Variants in METTL4 observed in about 807,000 individuals in gnomAD.
METTL4 encodes methyltransferase 4, N6-adenosine.
METTL4 carries 40 observed loss-of-function variants against 54.0 expected under a neutral mutation model. That is an observed-to-expected ratio of 0.74 (90% CI 0.58 to 0.96). The LOEUF (loss-of-function observed/expected upper bound fraction) is 0.96, where lower values mean the gene tolerates loss of function less well. Ranked by LOEUF, METTL4 falls within the 50% of genes least tolerant of loss-of-function variation. METTL4 has a pLI of 0.00. For synonymous variants in METTL4, 169 were observed against 183.8 expected (o/e 0.92, Z 0.65); for missense variants, 525 against 549.0 (o/e 0.96, Z 0.44).
chr18:2,537,767 G>A lies in METTL4; in HGVS notation c.*1233C>T. On this transcript the variant is annotated 3_prime_UTR_variant, in exon 9 of 9. Coordinates refer to ENST00000574538, the MANE Select transcript of METTL4 (RefSeq NM_022840.5). ...AATATTTGTCAACAATCTGTAAATA[G>A]TATAAATGCTTTTCTCAAAATGCTA... 2.5e-6 allele frequency: 1 copy of A among 397,680 alleles called. No individual in the cohort carries two copies. Among genetic ancestry groups the A allele is most frequent in the Admixed American group, 4.4e-5 (1 of 22,726 alleles). 24.6% of individuals were successfully genotyped at this position (397,680 alleles called of 1,614,324 possible). A position where few individuals can be genotyped will look rare whatever the true frequency, so the allele number is the denominator to read the frequency against.
At chr18:2,554,621 C>A in intron 4 of METTL4, 48 bp downstream of exon 4, 4 of 1,551,938 alleles carry the variant, frequency 2.6e-6, no homozygotes, top group Non-Finnish European at 3.5e-6. Context: ...ACTTTTCAGC[C>A]CACGGAAAAA....
At chr18:2,541,432 T>C (rs1201247356) in intron 8 of METTL4, among the ~76,000 whole-genome samples, 1 of 152,200 alleles carries the variant, frequency 6.6e-6, no homozygotes, top group Non-Finnish European at 1.5e-5. Context: ...CATCAGTGCA[T>C]ATAATCCCAT....
intron 6 of METTL4, among the ~76,000 whole-genome samples, chr18:2,546,750 T>A (rs1018693366): frequency 6.6e-6 from 1 of 152,192 alleles, no homozygotes; most frequent in Admixed American, 6.5e-5. Flanking sequence ...TTTTTGGTAA[T>A]CTTGTAGCAT....
At chr18:2,561,954 C>T (rs1032777648) in intron 3 of METTL4, 2 of 152,106 alleles carry the variant, frequency 1.3e-5, no homozygotes. Context: ...AGATAAACTG[C>T]TCACATTGAG....
intron 5 of METTL4, among the ~76,000 whole-genome samples, chr18:2,549,272 T>C (rs1186537479): frequency 6.6e-6 from 1 of 152,192 alleles, no homozygotes; most frequent in East Asian, 1.9e-4. Flanking sequence ...TAATACCAAT[T>C]ATCCCCTCCT....
chr18:2,552,718 G>A lies in METTL4; in HGVS notation c.876C>T (p.Asn292=). ...ACCTATTACTTCTTTTAACTGATTTGTTCTGCCATGGTGGATCTATCACAA... is the reference window on the plus strand; with the variant it reads ...ACCTATTACTTCTTTTAACTGATTTATTCTGCCATGGTGGATCTATCACAA... ...DVIVIDPPWQ[N]KSVKRSNRYS... The change falls in exon 5 of 9, where the codon AAC becomes AAT. Residue 292 remains asparagine (N), a synonymous_variant. Coordinates refer to ENST00000574538, the MANE Select transcript of METTL4 (RefSeq NM_022840.5). 1 of 1,610,888 alleles carries A rather than the reference G, an allele frequency of 6.2e-7. No homozygotes were observed.
chr18:2,544,322 A>C, intron 7 of METTL4, 36 bp from the exon 8 acceptor site: 1 of 1,502,628 alleles, frequency 6.7e-7, no homozygotes, highest in Non-Finnish European at 9.1e-7. Flanking sequence ...ACTATATTTT[A>C]AAAAACAATT....
At chr18:2,556,339 G>T (rs981432538) in intron 3 of METTL4, among the ~76,000 whole-genome samples, 1 of 151,934 alleles carries the variant, frequency 6.6e-6, no homozygotes, top group Non-Finnish European at 1.5e-5. Flanking sequence ...AGTCTGCTCT[G>T]ATCATAACTA....
intron 5 of METTL4, among the ~76,000 whole-genome samples, chr18:2,550,878 A>G (rs1271667750): frequency 1.3e-5 from 2 of 152,204 alleles, no homozygotes; most frequent in Middle Eastern, 3.2e-3. Flanking sequence ...TAAGGATATT[A>G]TATCAGCCGG....
In METTL4 at chr18:2,565,378, G is replaced by T. The variant is rs188029154; in HGVS notation, c.396+1443C>A. Among the ~76,000 whole-genome samples, 4 of 152,242 alleles carry T rather than the reference G, an allele frequency of 2.6e-5. No homozygotes were observed. In the East Asian group the frequency reaches 7.7e-4, roughly 29 times the overall value. ...GGTCAGAGGATGGGAGGAGGGAAAG[G>T]ATCAGGACAAATAACTAATGGGTAC... On this transcript the variant is annotated intron_variant, in intron 2 of 8. Coordinates refer to ENST00000574538, the MANE Select transcript of METTL4 (RefSeq NM_022840.5).
At chr18:2,568,323 A>G (rs189353352) in intron 1 of METTL4, 1 of 152,350 alleles carries the variant, frequency 6.6e-6, no homozygotes, top group Non-Finnish European at 1.5e-5. Context: ...CTATCTAAAG[A>G]TAGAAATAGT....
chr18:2,554,613 T>C, intron 4 of METTL4, 56 bp downstream of exon 4: 1 of 1,536,166 alleles, frequency 6.5e-7, no homozygotes, highest in South Asian at 1.2e-5. Flanking sequence ...AGCTCTTAAC[T>C]TTTCAGCCCA....
intron 2 of METTL4, among the ~76,000 whole-genome samples, chr18:2,565,516 AT>A (rs1227364084): frequency 1.3e-5 from 2 of 152,222 alleles, no homozygotes; most frequent in Non-Finnish European, 2.9e-5. Flanking sequence ...TAAAATTAAA[AT>A]TAAAAAAAAG....
chr18:2,544,745 T>C lies in METTL4; in HGVS notation c.1089A>G (p.Gly363=). 1 of 1,611,950 alleles carries C rather than the reference T, an allele frequency of 6.2e-7. No homozygotes were observed. The highest frequency in any genetic ancestry group is 8.5e-7 in the Non-Finnish European group (1 of 1,178,492). The change falls in exon 7 of 9, where the codon GGA becomes GGG. Residue 363 remains glycine (G), a synonymous_variant. Transcript: ENST00000574538. ...EWHWVKITNS[G]EFVFPLDSPH... ...GAGAATCTAATGGGAACACAAATTCTCCTGAATTGGTTATCTGATAGGAAG... is the reference window on the plus strand; with the variant it reads ...GAGAATCTAATGGGAACACAAATTCCCCTGAATTGGTTATCTGATAGGAAG...
chr18:2,566,636 T>G (rs2143596254), intron 2 of METTL4, 185 bp downstream of exon 2: 1 of 357,198 alleles, frequency 2.8e-6, no homozygotes, highest in Middle Eastern at 7.8e-4. Context: ...TACTATGCAA[T>G]TTGGTCTTCT....
intron 8 of METTL4, 68 bp from the exon 9 acceptor site, chr18:2,539,213 A>C (rs1196477066): frequency 1.6e-6 from 2 of 1,252,120 alleles, no homozygotes; most frequent in East Asian, 2.3e-5. Context: ...TTTAGCAGTT[A>C]AGAGTAGAAA....
At chr18:2,552,829 G>C in intron 4 of METTL4, 65 bp from the exon 5 acceptor site, 1 of 1,071,296 alleles carries the variant, frequency 9.3e-7, no homozygotes, top group Non-Finnish European at 1.4e-6. Context: ...AACTAAACAT[G>C]TTCTTCAAAA....
intron 8 of METTL4, chr18:2,540,542 A>G: frequency 1.0e-6 from 1 of 985,458 alleles, no homozygotes; most frequent in Non-Finnish European, 1.2e-6. Context: ...AAATCAAAGA[A>G]GAATTAAAAG....
intron 3 of METTL4, among the ~76,000 whole-genome samples, chr18:2,560,286 T>C (rs1417331804): frequency 6.6e-6 from 1 of 152,000 alleles, no homozygotes; most frequent in Admixed American, 6.6e-5. Flanking sequence ...AAAAGTAAAG[T>C]TGCCAAAAAA....
Sources: allele counts gnomAD v4.1 joint callset (sites outside exome capture counted in the v4.1 genomes callset), GRCh38; gene constraint gnomAD v4.1.1; transcripts MANE v1.5; gene names NCBI Gene and HGNC (gene_info 2026-07-23, HGNC 2026-07-21).